MCM8: variants seen among roughly 807,000 people sequenced by gnomAD.
The protein encoded by MCM8 is minichromosome maintenance 8 homologous recombination repair factor.
In MCM8, 85 loss-of-function variants were observed where a neutral mutation model predicts 98.9. That is an observed-to-expected ratio of 0.86 (90% CI 0.72 to 1.03). MCM8 has a LOEUF of 1.03. Ranked by LOEUF, MCM8 falls within the 50% of genes least tolerant of loss-of-function variation. The probability of loss-of-function intolerance (pLI) is 0.00; values close to 1 mark genes in which losing one functional copy is unlikely to be tolerated. For synonymous variants in MCM8, 352 were observed against 338.6 expected (o/e 1.04, Z -0.44); for missense variants, 951 against 997.8 (o/e 0.95, Z 0.63).
chr20:5,958,049 G>GA (rs761667560), intron 6 of MCM8, among the ~76,000 whole-genome samples: 17 of 151,978 alleles, frequency 1.1e-4, no homozygotes, highest in Non-Finnish European at 2.5e-4. Flanking sequence ...GAGACAAGAA[G>GA]AAAAAGGAAG....
In MCM8 at chr20:5,986,018, G is replaced by C; in HGVS notation, c.2050G>C (p.Glu684Gln). The C allele has an allele frequency of 6.2e-7, 1 of 1,614,216 alleles. No homozygotes were observed. The highest frequency in any genetic ancestry group is 8.5e-7 in the Non-Finnish European group (1 of 1,180,030). Residue 684 changes from glutamate to glutamine, a missense_variant, in exon 16 of 19, where the codon GAA becomes CAA. Coordinates refer to ENST00000610722, the MANE Select transcript of MCM8 (RefSeq NM_032485.6). ...RQYVYPRLST[E>Q]AARVLQDFYL... ...GTATGTGTACCCAAGGCTATCCACA[G>C]AAGCTGCTCGAGTTCTTCAAGATTT... is the stretch of plus-strand genomic sequence containing the variant.
At chr20:5,954,826 AT>A in intron 4 of MCM8, 136 bp downstream of exon 4, 1 of 608,954 alleles carries the variant, frequency 1.6e-6, no homozygotes, top group Non-Finnish European at 2.9e-6. Flanking sequence ...TACCTGCAGT[AT>A]GGACTTTGAT....
intron 8 of MCM8, among the ~76,000 whole-genome samples, chr20:5,966,807 G>A (rs1388151199): frequency 2.0e-5 from 3 of 152,164 alleles, no homozygotes; most frequent in Non-Finnish European, 2.9e-5. Context: ...TATTCTCACT[G>A]CACAGTTTAG....
intron 17 of MCM8, among the ~76,000 whole-genome samples, 187 bp downstream of exon 17, chr20:5,987,545 T>G (rs1435530958): frequency 6.6e-6 from 1 of 152,190 alleles, no homozygotes. Flanking sequence ...GAAATTTTTT[T>G]GAATGAGTAA....
chr20:5,974,377 C>G (rs1027456372), intron 12 of MCM8, among the ~76,000 whole-genome samples: 2 of 152,172 alleles, frequency 1.3e-5, no homozygotes, highest in African/African-American at 4.8e-5. Context: ...ATCCACCTGC[C>G]TTAGCCTTCC....
intron 11 of MCM8, chr20:5,972,615 T>C (rs1325445261): frequency 4.3e-6 from 2 of 470,134 alleles, no homozygotes; most frequent in African/African-American, 2.0e-5. Flanking sequence ...AGTACAGTGG[T>C]GCGATCTCAG....
At chr20:5,978,766 C>G (rs2089568985) in intron 13 of MCM8, among the ~76,000 whole-genome samples, 1 of 152,136 alleles carries the variant, frequency 6.6e-6, no homozygotes, top group South Asian at 2.1e-4. Flanking sequence ...CCATGTTGGC[C>G]AGGCTGGTCT....
At chr20:5,972,074 T>C in intron 11 of MCM8, 37 bp downstream of exon 11, 1 of 1,536,262 alleles carries the variant, frequency 6.5e-7, no homozygotes, top group Non-Finnish European at 8.9e-7. Flanking sequence ...AAAAAGTATA[T>C]AAGGTTAGCA....
chr20:5,973,121 CAG>C lies in MCM8; in HGVS notation c.1322_1323del (p.Arg441AsnfsTer39). On this transcript the variant is annotated frameshift_variant, in exon 12 of 19. Transcript: ENST00000610722. LOFTEE classifies it high-confidence loss of function. ...GSQKYADDKN[R>X]IPIRGDPHIL... ...GCCAGAAATACGCAGATGACAAAAA[CAG>C]AATTCCAATTCGGGGAGACCCCCAC... 1 of 1,614,200 alleles carries C rather than the reference CAG, an allele frequency of 6.2e-7. No individual in the cohort carries two copies. Among genetic ancestry groups the C allele is most frequent in the East Asian group, 2.2e-5 (1 of 44,872 alleles).
intron 17 of MCM8, among the ~76,000 whole-genome samples, chr20:5,989,219 C>T (rs1057433856): frequency 1.3e-5 from 2 of 149,842 alleles, no homozygotes; most frequent in Non-Finnish European, 2.9e-5. Flanking sequence ...TGGGTTCAAG[C>T]AATTCTCCTG....
rs186047018 is a variant in MCM8, at chr20:5,983,259, A to G, written c.1733+94A>G. On this transcript the variant is annotated intron_variant, in intron 14 of 18. Coordinates refer to ENST00000610722, the MANE Select transcript of MCM8 (RefSeq NM_032485.6). ...GTTCACAGAACTACAGGGGAAAAAC[A>G]TGGATATTTCACAGAAGTTATAAAT... The G allele has an allele frequency of 4.3e-5, 47 of 1,088,844 alleles. No homozygotes were observed. In the African/African-American group the frequency reaches 6.6e-4, roughly 15 times the overall value. The allele number at this position is 1,088,844 out of a possible 1,614,324, so 67.4% of individuals were successfully genotyped here. A position where few individuals can be genotyped will look rare whatever the true frequency, so the allele number is the denominator to read the frequency against.
At position 5,992,159 on chromosome 20, in the gene MCM8, C is replaced by T. The variant is rs562786651; in HGVS notation, c.2241-1347C>T. Among the ~76,000 whole-genome samples the T allele has an allele frequency of 7.9e-5, 12 of 152,256 alleles. 1 individual carries two copies. Among genetic ancestry groups the T allele is most frequent in the South Asian group, 4.1e-4 (2 of 4,832 alleles). ...GTTTTTTTCTATTTCAGGAAACTAG[C>T]TCAAATATTTTACATAGCTTTTTAA... On this transcript the variant is annotated intron_variant, in intron 17 of 18. Transcript: ENST00000610722.
rs1448684032 is a variant in MCM8 at position 5,972,006 on chromosome 20, G to T, written c.1224-1G>T. On this transcript the variant is annotated splice_acceptor_variant, in intron 10 of 18. Transcript: ENST00000610722. LOFTEE classifies it high-confidence loss of function. ...TTTATAAGTTGTGTTCTGTTTTTCA[G>T]CTCGCTTTGCCCTGTCATTTTTGGT... 6.2e-7 allele frequency: 1 copy of T among 1,610,646 alleles called. No homozygotes were observed. Among genetic ancestry groups the T allele is most frequent in the Admixed American group, 1.7e-5 (1 of 59,718 alleles).
intron 6 of MCM8, among the ~76,000 whole-genome samples, chr20:5,957,805 A>G (rs893660272): frequency 1.3e-5 from 2 of 152,300 alleles, no homozygotes; most frequent in South Asian, 4.1e-4. Flanking sequence ...GAATAATGAA[A>G]TTATTTTGTT....
At chr20:5,970,162 A>G (rs993636442) in intron 10 of MCM8, among the ~76,000 whole-genome samples, 3 of 152,226 alleles carry the variant, frequency 2.0e-5, no homozygotes, top group Non-Finnish European at 4.4e-5. Context: ...ATTACTGTTC[A>G]CAGTTGCTTG....
intron 13 of MCM8, among the ~76,000 whole-genome samples, chr20:5,980,654 T>C (rs1392013299): frequency 6.6e-6 from 1 of 152,088 alleles, no homozygotes; most frequent in Non-Finnish European, 1.5e-5. Flanking sequence ...GGCAGAGCAC[T>C]TGAGACCAGG....
intron 15 of MCM8, among the ~76,000 whole-genome samples, chr20:5,985,563 G>A (rs1457783974): frequency 1.3e-5 from 2 of 151,536 alleles, no homozygotes; most frequent in African/African-American, 4.8e-5. Flanking sequence ...TATTTATTCT[G>A]AGACATAGTC....
Position 5,978,001 on chromosome 20 carries a change from G to GT in MCM8, c.1521_1522insT (p.Val508CysfsTer4). The GT allele has an allele frequency of 6.2e-7, 1 of 1,614,164 alleles. No homozygotes were observed. Among genetic ancestry groups the GT allele is most frequent in the South Asian group, 1.1e-5 (1 of 91,080 alleles). On this transcript the variant is annotated frameshift_variant, in exon 13 of 19. Coordinates refer to ENST00000610722, the MANE Select transcript of MCM8 (RefSeq NM_032485.6). LOFTEE classifies it high-confidence loss of function. ...ATTTTGCTTTGGAAGCTGGTGCCCT[G>GT]GTACTTGGTGATCAAGGTGAGAGGC...
intron 7 of MCM8, among the ~76,000 whole-genome samples, chr20:5,961,662 C>CG (rs1429483582): frequency 6.6e-6 from 1 of 152,078 alleles, no homozygotes; most frequent in East Asian, 1.9e-4. Context: ...ATTTTGAAGA[C>CG]GGGGTCTCAC....
Sources: gnomAD v4.1 joint callset for allele counts (sites outside exome capture counted in the v4.1 genomes callset) on GRCh38, gnomAD v4.1.1 for gene constraint, MANE v1.5 for transcripts, NCBI Gene and HGNC (gene_info 2026-07-23, HGNC 2026-07-21) for gene names.